Variants in SWSAP1 observed in about 807,000 individuals in gnomAD.
The protein encoded by SWSAP1 is SWIM-type zinc finger 7 associated protein 1.
Under a neutral mutation model 5.6 loss-of-function variants are expected in SWSAP1, and 4 were observed. The observed-to-expected ratio is 0.72, with a 90% CI of 0.35 to 1.64. The LOEUF is 1.64. Ranked by LOEUF, SWSAP1 falls within the 40% of genes most tolerant of loss-of-function variation. SWSAP1 has a pLI of 0.05. For synonymous variants in SWSAP1, 139 were observed against 143.3 expected (o/e 0.97, Z 0.22); for missense variants, 354 against 319.8 (o/e 1.11, Z -0.82).
rs755373334 is a variant in SWSAP1 at position 11,374,916 on chromosome 19, C to T, written c.236C>T (p.Pro79Leu). ...MPRGTGTTLD[P>L]MRLQKIRFQY... ...CGCGGGACCGGAACGACTCTAGACC[C>T]AATGCGACTCCAGGTAACCGTGGGG... Residue 79 changes from proline to leucine, a missense_variant, in exon 1 of 2, where the codon CCA (proline) becomes CTA (leucine). By Grantham distance (98) the Pro-to-Leu change is moderately conservative. Coordinates refer to ENST00000674460, the MANE Select transcript of SWSAP1 (RefSeq NM_175871.4). The T allele has an allele frequency of 1.2e-6, 2 of 1,613,750 alleles. No individual in the cohort carries two copies. Among genetic ancestry groups the T allele is most frequent in the Non-Finnish European group, 1.7e-6 (2 of 1,180,028 alleles).
chr19:11,375,714 G>C lies in SWSAP1; in HGVS notation c.451G>C (p.Gly151Arg). Residue 151 changes from glycine to arginine, a missense_variant, in exon 2 of 2, where the codon GGG (glycine) becomes CGG (arginine). Physicochemically the swap from Gly to Arg is moderately radical, Grantham distance 125. Coordinates refer to ENST00000674460, the MANE Select transcript of SWSAP1 (RefSeq NM_175871.4). ...DTAAHFSHRLGPGRDCGLMVA... is the reference protein window; with the variant it reads ...DTAAHFSHRLRPGRDCGLMVA... ...AGCTGCCCACTTCAGCCACCGGCTT[G>C]GGCCTGGCCGGGATTGTGGGCTCAT... 1 of 1,614,196 alleles carries C rather than the reference G, an allele frequency of 6.2e-7. No individual in the cohort carries two copies. Among genetic ancestry groups the C allele is most frequent in the Non-Finnish European group, 8.5e-7 (1 of 1,180,034 alleles).
chr19:11,375,022 G>C (rs1399294105), intron 1 of SWSAP1, 93 bp downstream of exon 1: 1 of 1,528,664 alleles, frequency 6.5e-7, no homozygotes, highest in East Asian at 2.3e-5. Flanking sequence ...TGGAGAGGAC[G>C]GTGGAAGAGC....
rs1270772915 is a variant in SWSAP1, at chr19:11,374,941, G to A, written c.249+12G>A. On this transcript the variant is annotated intron_variant, in intron 1 of 1. Transcript: ENST00000674460. ...CAATGCGACTCCAGGTAACCGTGGG[G>A]GTGGGAGCAGAGGCGTTCTAGCCAA... is the stretch of plus-strand genomic sequence containing the variant. 1 of 1,612,388 alleles carries A rather than the reference G, an allele frequency of 6.2e-7. No homozygotes were observed. The highest frequency in any genetic ancestry group is 1.7e-5 in the Admixed American group (1 of 59,672).
rs1968258086 is a variant in SWSAP1, at chr19:11,374,888, C to T, written c.208C>T (p.Pro70Ser). The change falls in exon 1 of 2, where the codon CCC becomes TCC. Residue 70 changes from proline (P) to serine (S), a missense_variant. Pro to Ser is a moderately conservative substitution (Grantham distance 74). Transcript: ENST00000674460. ...FLTRRPLQSM[P>S]RGTGTTLDPM... is the part of the protein sequence containing the mutation. ...GACACGAAGGCCTCTTCAAAGCATG[C>T]CCCGCGGGACCGGAACGACTCTAGA... 1 of 1,613,994 alleles carries T rather than the reference C, an allele frequency of 6.2e-7. No individual in the cohort carries two copies. The highest frequency in any genetic ancestry group is 8.5e-7 in the Non-Finnish European group (1 of 1,180,038).
Position 11,375,925 on chromosome 19 carries a change from G to A in SWSAP1, c.662G>A (p.Arg221Gln), listed in dbSNP as rs770086517. Residue 221 changes from arginine to glutamine, a missense_variant, in exon 2 of 2, where the codon CGA becomes CAA. By Grantham distance (43) the Arg-to-Gln change is conservative (BLOSUM62 1). Transcript: ENST00000674460. ...AGAACAGAGTGGTGGGTGACTTTCC[G>A]ATCAGATGGAGAAATGATGATCGCT... Reference protein sequence around the residue: ...GPRTEWWVTFRSDGEMMIAPW... With the variant: ...GPRTEWWVTFQSDGEMMIAPW... 25 of 1,613,660 alleles carry A rather than the reference G, an allele frequency of 1.5e-5. No individual in the cohort carries two copies. The highest frequency in any genetic ancestry group is 1.4e-4 in the South Asian group (13 of 91,078).
intron 1 of SWSAP1, among the ~76,000 whole-genome samples, chr19:11,375,155 T>A (rs1254763234): frequency 6.6e-6 from 1 of 152,064 alleles, no homozygotes; most frequent in Non-Finnish European, 1.5e-5. Context: ...CAAGAGGCGG[T>A]GCCCAGAGAT....
chr19:11,375,022 G>T, intron 1 of SWSAP1, 93 bp downstream of exon 1: 2 of 1,528,664 alleles, frequency 1.3e-6, no homozygotes, highest in South Asian at 2.3e-5. Context: ...TGGAGAGGAC[G>T]GTGGAAGAGC....
At position 11,376,025 on chromosome 19, in the gene SWSAP1, G is replaced by C; in HGVS notation, c.*9G>C. ...CTGGAGGCCAGCCCTGAGCTTTGGT[G>C]GGTGACTACCTCTCTGTGCTTCAGT... is the stretch of plus-strand genomic sequence containing the variant. On this transcript the variant is annotated 3_prime_UTR_variant, in exon 2 of 2. Coordinates refer to ENST00000674460, the MANE Select transcript of SWSAP1 (RefSeq NM_175871.4). 1 of 1,578,336 alleles carries C rather than the reference G, an allele frequency of 6.3e-7. No individual in the cohort carries two copies. The highest frequency in any genetic ancestry group is 8.6e-7 in the Non-Finnish European group (1 of 1,160,450).
chr19:11,375,144 G>A (rs1968262004), intron 1 of SWSAP1, among the ~76,000 whole-genome samples: 1 of 152,176 alleles, frequency 6.6e-6, no homozygotes, highest in Admixed American at 6.5e-5. Context: ...GGCGGTGTTA[G>A]CAAGAGGCGG....
intron 1 of SWSAP1, among the ~76,000 whole-genome samples, chr19:11,375,180 T>C (rs533115026): frequency 1.3e-5 from 2 of 152,208 alleles, no homozygotes; most frequent in South Asian, 4.1e-4. Flanking sequence ...GTCCGGCCCA[T>C]CAAGGGGCGG....
At chr19:11,375,267 G>T (rs1197210234) in intron 1 of SWSAP1, among the ~76,000 whole-genome samples, 1 of 152,142 alleles carries the variant, frequency 6.6e-6, no homozygotes, top group Admixed American at 6.5e-5. Context: ...AGAATGCTGG[G>T]GGAGGGTTTT....
chr19:11,374,835 G>C lies in SWSAP1; in HGVS notation c.155G>C (p.Gly52Ala), dbSNP rs1383973536. Residue 52 changes from glycine (G) to alanine (A), a missense_variant, in exon 1 of 2, where the codon GGG (glycine) becomes GCG (alanine). Coordinates refer to ENST00000674460, the MANE Select transcript of SWSAP1 (RefSeq NM_175871.4). The stretch of plus-strand genomic sequence containing the variant: ...TTTGCTGCGGCCCTAGAGGCGGCGG[G>C]GGAGGGCCAAGGCCCAGTCCTCTTC... Reference protein sequence around the residue: ...LLFAAALEAAGEGQGPVLFLT... With the variant: ...LLFAAALEAAAEGQGPVLFLT... 6.2e-7 allele frequency: 1 copy of C among 1,613,966 alleles called. No homozygotes were observed. Among genetic ancestry groups the C allele is most frequent in the Non-Finnish European group, 8.5e-7 (1 of 1,179,954 alleles).
In SWSAP1 at chr19:11,374,804, C is replaced by A. The variant is rs926319383; in HGVS notation, c.124C>A (p.Leu42Met). 6.2e-7 allele frequency: 1 copy of A among 1,613,874 alleles called. No individual in the cohort carries two copies. Among genetic ancestry groups the A allele is most frequent in the Non-Finnish European group, 8.5e-7 (1 of 1,179,918 alleles). Reference protein sequence around the residue: ...LGTPGSGKTALLFAAALEAAG... With the variant: ...LGTPGSGKTAMLFAAALEAAG... ...TACACCAGGATCTGGAAAAACAGCG[C>A]TGCTATTTGCTGCGGCCCTAGAGGC... Residue 42 changes from leucine (L) to methionine (M), a missense_variant, in exon 1 of 2, where the codon CTG becomes ATG. Leu to Met is a conservative substitution (Grantham distance 15). Transcript: ENST00000674460.
Position 11,376,136 on chromosome 19 carries a change from A to G in SWSAP1, c.*120A>G. 1 of 889,438 alleles carries G rather than the reference A, an allele frequency of 1.1e-6. No individual in the cohort carries two copies. Among genetic ancestry groups the G allele is most frequent in the East Asian group, 2.7e-5 (1 of 37,334 alleles). The allele number at this position is 889,438 out of a possible 1,614,324, so 55.1% of individuals were successfully genotyped here. A position where few individuals can be genotyped will look rare whatever the true frequency, so the allele number is the denominator to read the frequency against. On this transcript the variant is annotated 3_prime_UTR_variant, in exon 2 of 2. Coordinates refer to ENST00000674460, the MANE Select transcript of SWSAP1 (RefSeq NM_175871.4). ...AAAGTGCTTTTTCTCTTTTAAAAGT[A>G]TAGCATTATCTTGTATATATTTTAC...
At chr19:11,374,985 A>T in intron 1 of SWSAP1, 56 bp downstream of exon 1, 1 of 1,594,132 alleles carries the variant, frequency 6.3e-7, no homozygotes, top group South Asian at 1.1e-5. Flanking sequence ...TAGATCCGGG[A>T]TATTGAGTAA....
chr19:11,375,065 G>A (rs1968260797), intron 1 of SWSAP1, 136 bp downstream of exon 1: 1 of 1,143,916 alleles, frequency 8.7e-7, no homozygotes, highest in South Asian at 1.3e-5. Context: ...GCGGAGTCAG[G>A]CAGGCGGAGT....
Position 11,374,720 on chromosome 19 carries a change from GCGGCCTGGTC to G in SWSAP1, c.44_53del (p.Ala15GlyfsTer31), listed in dbSNP as rs1568326619. 6.3e-7 allele frequency: 1 copy of G among 1,591,452 alleles called. No individual in the cohort carries two copies. Among genetic ancestry groups the G allele is most frequent in the Admixed American group, 1.8e-5 (1 of 54,982 alleles). ...GAGGCGGGTGCTAACCAGGGGCGGT[GCGGCCTGGTC>G]CGGGGAGGAGAACATGCCTGCCGCC... On this transcript the variant is annotated frameshift_variant, in exon 1 of 2. Coordinates refer to ENST00000674460, the MANE Select transcript of SWSAP1 (RefSeq NM_175871.4). LOFTEE classifies it high-confidence loss of function.
chr19:11,374,858 T>C lies in SWSAP1; in HGVS notation c.178T>C (p.Phe60Leu). 1 of 1,614,052 alleles carries C rather than the reference T, an allele frequency of 6.2e-7. No homozygotes were observed. The highest frequency in any genetic ancestry group is 2.2e-5 in the East Asian group (1 of 44,888). Residue 60 changes from phenylalanine (F) to leucine (L), a missense_variant, in exon 1 of 2, where the codon TTC (phenylalanine) becomes CTC (leucine). Coordinates refer to ENST00000674460, the MANE Select transcript of SWSAP1 (RefSeq NM_175871.4). The stretch of plus-strand genomic sequence containing the variant: ...GGGGGAGGGCCAAGGCCCAGTCCTC[T>C]TCCTGACACGAAGGCCTCTTCAAAG... ...AAGEGQGPVL[F>L]LTRRPLQSMP...
intron 1 of SWSAP1, 46 bp from the exon 2 acceptor site, chr19:11,375,467 G>T (rs775175183): frequency 6.4e-7 from 1 of 1,555,492 alleles, no homozygotes; most frequent in Admixed American, 2.0e-5. Context: ...AAGGAGTCTG[G>T]CTTCCTGTGC....
Sources: allele counts gnomAD v4.1 joint callset (sites outside exome capture counted in the v4.1 genomes callset), GRCh38; gene constraint gnomAD v4.1.1; transcripts MANE v1.5; gene names NCBI Gene and HGNC (gene_info 2026-07-23, HGNC 2026-07-21).